SPIDR: variants seen among roughly 807,000 people sequenced by gnomAD.
SPIDR encodes scaffold protein involved in DNA repair, also known as DNA repair-scaffolding protein.
Under a neutral mutation model 104.6 loss-of-function variants are expected in SPIDR, and 93 were observed. That is an observed-to-expected ratio of 0.89 (90% confidence interval 0.75 to 1.06). The LOEUF (loss-of-function observed/expected upper bound fraction) is 1.06, where lower values mean the gene tolerates loss of function less well. SPIDR is among the 50% of genes least tolerant of loss of function. The pLI is 0.00. For missense variants in SPIDR, 1,154 were observed against 1,111.2 expected (o/e 1.04, Z -0.55); for synonymous variants, 431 against 416.9 (o/e 1.03, Z -0.41).
At chr8:47,509,351 T>A (rs2081977336) in intron 8 of SPIDR, among the ~76,000 whole-genome samples, 1 of 151,220 alleles carries the variant, frequency 6.6e-6, no homozygotes, top group Admixed American at 6.6e-5. Flanking sequence ...ACGAGGTGGG[T>A]AAGCAGGAGA....
At chr8:47,460,318 A>T (rs2130880) in intron 8 of SPIDR, among the ~76,000 whole-genome samples, 4,026 of 152,166 alleles carry the variant, frequency 0.026, 292 homozygotes, top group Admixed American at 0.15. Context: ...TAGGAGCTCC[A>T]GTGTTAGGTG....
chr8:47,624,636 G>C (rs1224802183), intron 10 of SPIDR, among the ~76,000 whole-genome samples: 1 of 152,152 alleles, frequency 6.6e-6, no homozygotes, highest in Non-Finnish European at 1.5e-5. Flanking sequence ...AGAAAATCTA[G>C]AAGAAATGGA....
chr8:47,415,368 C>T (rs1304008820), intron 7 of SPIDR, among the ~76,000 whole-genome samples: 2 of 152,164 alleles, frequency 1.3e-5, no homozygotes, highest in African/African-American at 4.8e-5. Flanking sequence ...ATCTCCAATA[C>T]AGTCCATTGA....
chr8:47,273,789 T>G (rs1430795640), intron 1 of SPIDR, among the ~76,000 whole-genome samples: 1 of 152,132 alleles, frequency 6.6e-6, no homozygotes, highest in African/African-American at 2.4e-5. Flanking sequence ...AAATGAGGTC[T>G]TGCTGTGTTG....
intron 10 of SPIDR, among the ~76,000 whole-genome samples, chr8:47,647,507 C>G (rs955004687): frequency 6.6e-6 from 1 of 152,030 alleles, no homozygotes; most frequent in Non-Finnish European, 1.5e-5. Flanking sequence ...CTCAGCTACT[C>G]AGGAGGCTGA....
chr8:47,673,668 C>T, intron 10 of SPIDR, 133 bp from the exon 11 acceptor site: 8 of 1,197,690 alleles, frequency 6.7e-6, no homozygotes, highest in Admixed American at 2.3e-5. Context: ...CTTGGTTTTT[C>T]TTTACTTTCT....
In SPIDR at chr8:47,301,369, G is replaced by A. The variant is rs371269986; in HGVS notation, c.525+7339G>A. Reference sequence around the variant, plus strand: ...ACGTGAGATGGGTTTCCTGAATACCGCACACTGATGGGTCTTGACTCTTTA... The same window carrying A: ...ACGTGAGATGGGTTTCCTGAATACCACACACTGATGGGTCTTGACTCTTTA... On this transcript the variant is annotated intron_variant, in intron 5 of 19. Transcript: ENST00000297423. Among the ~76,000 whole-genome samples the A allele has an allele frequency of 4.6e-5, 7 of 152,210 alleles. No homozygotes were observed. In the East Asian group the frequency reaches 9.7e-4, roughly 21 times the overall value.
At chr8:47,592,221 G>T in intron 8 of SPIDR, 1 of 1,319,788 alleles carries the variant, frequency 7.6e-7, no homozygotes, top group Non-Finnish European at 1.1e-6. Context: ...GTCTTCCACT[G>T]CTCTGCTACA....
At chr8:47,501,891 A>C (rs539522874) in intron 8 of SPIDR, among the ~76,000 whole-genome samples, 154 of 152,318 alleles carry the variant, frequency 1.0e-3, no homozygotes, top group Non-Finnish European at 1.3e-3. Flanking sequence ...TTCTGCCTCT[A>C]TTCAGATAAT....
In SPIDR at chr8:47,631,354, C is replaced by T. The variant is rs564752997; in HGVS notation, c.1544+32158C>T. ...TATAACAATAGGTTTTTAGAAAAAT[C>T]TGTCTTAGGGTCAATTTATAGTTCT... On this transcript the variant is annotated intron_variant, in intron 10 of 19. Transcript: ENST00000297423. Among the ~76,000 whole-genome samples, 7 of 152,314 alleles carry T rather than the reference C, an allele frequency of 4.6e-5. No individual in the cohort carries two copies. The South Asian group carries it at 1.5e-3, about 32-fold the overall frequency.
chr8:47,380,914 T>C (rs1210673783), intron 5 of SPIDR, among the ~76,000 whole-genome samples: 1 of 152,196 alleles, frequency 6.6e-6, no homozygotes, highest in Non-Finnish European at 1.5e-5. Flanking sequence ...GGAGATCTCT[T>C]ATTGGTGGCT....
At chr8:47,675,743 G>A (rs1028119974) in intron 11 of SPIDR, among the ~76,000 whole-genome samples, 5 of 152,216 alleles carry the variant, frequency 3.3e-5, no homozygotes, top group African/African-American at 4.8e-5. Context: ...AAACCTCGAG[G>A]CAGAGGTTGC....
At chr8:47,653,175 C>T (rs538917236) in intron 10 of SPIDR, among the ~76,000 whole-genome samples, 18 of 152,274 alleles carry the variant, frequency 1.2e-4, no homozygotes, top group Admixed American at 4.6e-4. Context: ...CCTCTGAAAG[C>T]CTGTGTGACT....
At chr8:47,455,921 C>A (rs1274633127) in intron 8 of SPIDR, among the ~76,000 whole-genome samples, 1 of 151,816 alleles carries the variant, frequency 6.6e-6, no homozygotes, top group East Asian at 1.9e-4. Flanking sequence ...ACTTTAATAC[C>A]CACTTTCAAT....
intron 14 of SPIDR, among the ~76,000 whole-genome samples, chr8:47,712,428 C>CT (rs2082012427): frequency 2.0e-5 from 3 of 152,154 alleles, no homozygotes; most frequent in Admixed American, 2.0e-4. Flanking sequence ...AAATGGAATG[C>CT]TGCCAGGGAA....
chr8:47,728,835 C>T, intron 17 of SPIDR, 98 bp from the exon 18 acceptor site: 1 of 1,401,342 alleles, frequency 7.1e-7, no homozygotes, highest in South Asian at 1.4e-5. Context: ...CGTTTTCTAG[C>T]TCAGCAGACA....
intron 5 of SPIDR, among the ~76,000 whole-genome samples, chr8:47,323,441 G>A (rs1032562500): frequency 3.3e-5 from 5 of 152,032 alleles, no homozygotes; most frequent in Non-Finnish European, 7.4e-5. Context: ...AAATTTTTTT[G>A]ATGTTTTTGC....
chr8:47,478,279 G>A (rs1554724813), intron 8 of SPIDR, among the ~76,000 whole-genome samples: 1 of 152,148 alleles, frequency 6.6e-6, no homozygotes, highest in African/African-American at 2.4e-5. Flanking sequence ...CCAGCGGGGT[G>A]GTGACAGCGT....
At chr8:47,399,904 G>C (rs569288283) in intron 6 of SPIDR, among the ~76,000 whole-genome samples, 1 of 152,316 alleles carries the variant, frequency 6.6e-6, no homozygotes, top group East Asian at 1.9e-4. Flanking sequence ...GGGCAGTAAC[G>C]ATGACGGGCG....
Sources: gnomAD v4.1 joint callset for allele counts (sites outside exome capture counted in the v4.1 genomes callset) on GRCh38, gnomAD v4.1.1 for gene constraint, MANE v1.5 for transcripts, NCBI Gene and HGNC (gene_info 2026-07-23, HGNC 2026-07-21) for gene names.